The following UNC13C variants were observed in gnomAD, a reference collection of about 807,000 sequenced individuals.
The protein encoded by UNC13C is protein unc-13 homolog C.
A neutral mutation model predicts 245.4 loss-of-function variants in UNC13C; 174 were observed. The ratio of observed to expected loss-of-function variants is 0.71; its 90% confidence interval spans 0.63 to 0.80. The LOEUF (loss-of-function observed/expected upper bound fraction) is 0.80, where lower values mean the gene tolerates loss of function less well. Among genes scored for constraint, UNC13C ranks in the 30% least tolerant of loss-of-function variants. The probability of loss-of-function intolerance (pLI) is 0.00; values close to 1 mark genes in which losing one functional copy is unlikely to be tolerated. For missense variants in UNC13C, 2,829 were observed against 2,602.9 expected (o/e 1.09, Z -1.89); for synonymous variants, 992 against 895.1 (o/e 1.11, Z -1.93).
At chr15:54,448,471 A>G (rs1448839164) in intron 19 of UNC13C, among the ~76,000 whole-genome samples, 3 of 152,182 alleles carry the variant, frequency 2.0e-5, no homozygotes, top group Admixed American at 1.3e-4. Flanking sequence ...TATTGGGTGC[A>G]TATATATTTA....
chr15:54,322,892 G>A (rs1260149445), intron 14 of UNC13C, among the ~76,000 whole-genome samples: 1 of 152,002 alleles, frequency 6.6e-6, no homozygotes, highest in African/African-American at 2.4e-5. Context: ...TATGTTTGGG[G>A]ACATGGACAG....
chr15:54,567,750 C>G, intron 29 of UNC13C, 50 bp from the exon 30 acceptor site: 1 of 1,485,144 alleles, frequency 6.7e-7, no homozygotes, highest in Non-Finnish European at 9.0e-7. Context: ...TAAATTCTGT[C>G]TTCCAATACT....
intron 7 of UNC13C, among the ~76,000 whole-genome samples, chr15:54,239,686 A>G (rs894389914): frequency 6.6e-6 from 1 of 152,158 alleles, no homozygotes; most frequent in Non-Finnish European, 1.5e-5. Context: ...TCCTGGGCTC[A>G]AGCAGTTCTT....
chr15:54,386,564 A>G (rs142187826), intron 17 of UNC13C, among the ~76,000 whole-genome samples: 68 of 152,272 alleles, frequency 4.5e-4, no homozygotes, highest in African/African-American at 8.7e-4. Context: ...AGGGCAAAAT[A>G]TAAGGAAGCT....
intron 17 of UNC13C, among the ~76,000 whole-genome samples, chr15:54,362,254 G>A (rs1319218470): frequency 6.6e-6 from 1 of 152,202 alleles, no homozygotes; most frequent in East Asian, 1.9e-4. Context: ...TTCCCATGAA[G>A]ATTATCAGAC....
intron 4 of UNC13C, among the ~76,000 whole-genome samples, chr15:54,204,738 T>G (rs1223363372): frequency 6.6e-6 from 1 of 151,968 alleles, no homozygotes; most frequent in Non-Finnish European, 1.5e-5. Context: ...GACAGAGTCA[T>G]GTTGAGGAAA....
At chr15:54,299,261 G>A (rs2037513912) in intron 12 of UNC13C, among the ~76,000 whole-genome samples, 1 of 152,088 alleles carries the variant, frequency 6.6e-6, no homozygotes, top group Non-Finnish European at 1.5e-5. Flanking sequence ...AGTTTACCCT[G>A]GCTTTATCAA....
chr15:54,344,689 T>G (rs2038819695), intron 17 of UNC13C, among the ~76,000 whole-genome samples: 1 of 152,154 alleles, frequency 6.6e-6, no homozygotes, highest in Non-Finnish European at 1.5e-5. Context: ...TGGCTGCAAC[T>G]CCATGCTCCT....
At chr15:54,383,557 C>A (rs1201568508) in intron 17 of UNC13C, among the ~76,000 whole-genome samples, 2 of 152,058 alleles carry the variant, frequency 1.3e-5, no homozygotes, top group African/African-American at 4.8e-5. Context: ...CCCACGCTAA[C>A]ATCATACTGA....
chr15:54,077,505 A>C (rs1898702058), intron 2 of UNC13C, among the ~76,000 whole-genome samples: 1 of 147,462 alleles, frequency 6.8e-6, no homozygotes, highest in Non-Finnish European at 1.5e-5. Context: ...CAGCCTCCCG[A>C]GTAGCTGGGA....
At chr15:54,490,788 T>G (rs1893665481) in intron 19 of UNC13C, among the ~76,000 whole-genome samples, 1 of 152,162 alleles carries the variant, frequency 6.6e-6, no homozygotes, top group East Asian at 1.9e-4. Flanking sequence ...TTACATAATT[T>G]TGCGGACATG....
intron 2 of UNC13C, among the ~76,000 whole-genome samples, chr15:54,140,844 A>G (rs554099478): frequency 6.6e-6 from 1 of 152,264 alleles, no homozygotes; most frequent in Non-Finnish European, 1.5e-5. Context: ...AGAGTGACAT[A>G]ATTTTATCTT....
intron 2 of UNC13C, among the ~76,000 whole-genome samples, chr15:54,100,815 T>G (rs1595855513): frequency 6.6e-6 from 1 of 152,146 alleles, no homozygotes. Flanking sequence ...TTTTGGTGAC[T>G]GACCACATGG....
chr15:54,143,560 A>G lies in UNC13C; in HGVS notation c.3007-60A>G, dbSNP rs193091558. ...TGACCTGTGTCCCGATTTCGTGTAC[A>G]TAAAACTGTAGTATGCTAAAAGCCT... is the stretch of plus-strand genomic sequence containing the variant. On this transcript the variant is annotated intron_variant, in intron 3 of 32. Transcript: ENST00000260323. 1.2e-4 allele frequency: 169 copies of G among 1,438,818 alleles called. No homozygotes were observed. The African/African-American group carries it at 2.0e-3, about 17-fold the overall frequency. 89.1% of individuals were successfully genotyped at this position (1,438,818 alleles called of 1,614,324 possible). A position where few individuals can be genotyped will look rare whatever the true frequency, so the allele number is the denominator to read the frequency against.
At chr15:54,358,026 C>T (rs1205113215) in intron 17 of UNC13C, among the ~76,000 whole-genome samples, 1 of 152,018 alleles carries the variant, frequency 6.6e-6, no homozygotes, top group Non-Finnish European at 1.5e-5. Context: ...GGAGTTTCTG[C>T]ATTTACTCAG....
intron 13 of UNC13C, among the ~76,000 whole-genome samples, chr15:54,305,806 A>G (rs1291171680): frequency 6.6e-6 from 1 of 152,074 alleles, no homozygotes; most frequent in African/African-American, 2.4e-5. Flanking sequence ...AAAAAGACAA[A>G]AGTCCTTAAT....
chr15:54,327,742 T>C (rs2038335695), intron 14 of UNC13C, among the ~76,000 whole-genome samples: 2 of 152,082 alleles, frequency 1.3e-5, no homozygotes, highest in African/African-American at 2.4e-5. Context: ...TTTGAGTCTG[T>C]AATTTTTTCT....
intron 10 of UNC13C, among the ~76,000 whole-genome samples, chr15:54,266,316 C>G (rs1480747439): frequency 6.6e-6 from 1 of 151,896 alleles, no homozygotes; most frequent in Non-Finnish European, 1.5e-5. Context: ...CAATTGGAAC[C>G]AAATAACAGA....
intron 7 of UNC13C, among the ~76,000 whole-genome samples, chr15:54,238,179 A>G (rs2035758176): frequency 6.7e-6 from 1 of 149,732 alleles, no homozygotes; most frequent in Non-Finnish European, 1.5e-5. Flanking sequence ...GGTTCAAGCA[A>G]TTCTCCTGCC....
Sources: gnomAD v4.1 joint callset for allele counts (sites outside exome capture counted in the v4.1 genomes callset) on GRCh38, gnomAD v4.1.1 for gene constraint, MANE v1.5 for transcripts, NCBI Gene and HGNC (gene_info 2026-07-23, HGNC 2026-07-21) for gene names.